PTPRN2: variants seen among roughly 807,000 people sequenced by gnomAD.
PTPRN2 encodes protein tyrosine phosphatase receptor type N2.
In PTPRN2, 74 loss-of-function variants were observed where a neutral mutation model predicts 118.8. The observed-to-expected ratio is 0.62, with a 90% CI of 0.52 to 0.76. PTPRN2 has a LOEUF of 0.76. PTPRN2 is among the 30% of genes least tolerant of loss of function. The probability of loss-of-function intolerance (pLI) is 0.00; values close to 1 mark genes in which losing one functional copy is unlikely to be tolerated. For missense variants in PTPRN2, 1,481 were observed against 1,394.4 expected, an observed-to-expected ratio of 1.06 and a Z score of -0.99; for synonymous variants, 641 against 608.0, an observed-to-expected ratio of 1.05 and a Z score of -0.80.
intron 11 of PTPRN2, among the ~76,000 whole-genome samples, chr7:157,928,773 G>A (rs1369270719): frequency 6.7e-6 from 1 of 150,072 alleles, no homozygotes; most frequent in African/African-American, 2.5e-5. Context: ...GGGAGAGAGA[G>A]CGGGGCAGAT....
At chr7:158,319,505 CCCCCCACACACACAG>C (rs1802681286) in intron 2 of PTPRN2, among the ~76,000 whole-genome samples, 2 of 25,356 alleles carry the variant, frequency 7.9e-5, no homozygotes, top group Admixed American at 6.9e-4. Flanking sequence ...CACACAGCCT[CCCCCCACACACACAG>C]CCTCCCTCAC....
intron 9 of PTPRN2, among the ~76,000 whole-genome samples, chr7:158,111,266 C>A (rs1005561653): frequency 5.9e-5 from 9 of 152,208 alleles, no homozygotes; most frequent in African/African-American, 2.2e-4. Context: ...GAGAAAGCAT[C>A]TGTTTTTAAT....
Position 157,550,249 on chromosome 7 carries a change from G to C in PTPRN2, c.2903-1230C>G, listed in dbSNP as rs1228875252. The stretch of plus-strand genomic sequence containing the variant: ...AACTGTGAAGCCAGTGGGGGCTCAG[G>C]CTCCAGGAGGATCATCCCAGCAGGG... On this transcript the variant is annotated intron_variant, in intron 21 of 22. Transcript: ENST00000389418. The surrounding 1 kb of genome is among the most constrained non-coding windows in gnomAD (Gnocchi z 5.2). 1.3e-5 allele frequency among the ~76,000 whole-genome samples: 2 copies of C among 152,314 alleles called. No homozygotes were observed. The highest frequency in any genetic ancestry group is 4.8e-5 in the African/African-American group (2 of 41,574).
intron 2 of PTPRN2, among the ~76,000 whole-genome samples, chr7:158,420,204 T>G (rs1746964226): frequency 6.6e-6 from 1 of 152,180 alleles, no homozygotes; most frequent in Non-Finnish European, 1.5e-5. Flanking sequence ...GAGCTGGCCT[T>G]ACCCTGAACT....
intron 21 of PTPRN2, among the ~76,000 whole-genome samples, chr7:157,562,180 G>T (rs1799226414): frequency 6.6e-6 from 1 of 152,216 alleles, no homozygotes; most frequent in Non-Finnish European, 1.5e-5. Flanking sequence ...CTCGCCCAGG[G>T]CTCTGGGGAC....
At chr7:157,576,117 A>T (rs1262237824) in intron 19 of PTPRN2, among the ~76,000 whole-genome samples, 3 of 152,184 alleles carry the variant, frequency 2.0e-5, no homozygotes, top group Admixed American at 6.5e-5. Flanking sequence ...ATGAACAAAA[A>T]ACTGAATTTT....
intron 11 of PTPRN2, among the ~76,000 whole-genome samples, chr7:158,010,061 G>A (rs555551716): frequency 9.9e-5 from 15 of 152,156 alleles, no homozygotes; most frequent in Admixed American, 9.2e-4. Flanking sequence ...GCAGGACCCC[G>A]TAGAGCACTT....
At chr7:157,747,802 T>C (rs1383153088) in intron 12 of PTPRN2, among the ~76,000 whole-genome samples, 15 of 78,130 alleles carry the variant, frequency 1.9e-4, no homozygotes, top group African/African-American at 4.2e-4. Flanking sequence ...TGTGGGCTGT[T>C]GAGGTGATTC....
chr7:158,141,583 G>A (rs183406930), intron 6 of PTPRN2, among the ~76,000 whole-genome samples: 31 of 152,268 alleles, frequency 2.0e-4, no homozygotes, highest in African/African-American at 7.2e-4. Context: ...AATTGAAGCT[G>A]GTTCTTCAGG....
At chr7:157,872,428 C>G (rs1326133663) in intron 12 of PTPRN2, among the ~76,000 whole-genome samples, 1 of 150,306 alleles carries the variant, frequency 6.7e-6, no homozygotes, top group Non-Finnish European at 1.5e-5. Context: ...CTTTCCCACA[C>G]ACACATACCC....
chr7:158,210,372 T>G (rs899495599), intron 3 of PTPRN2, among the ~76,000 whole-genome samples: 1 of 151,918 alleles, frequency 6.6e-6, no homozygotes, highest in Non-Finnish European at 1.5e-5. Context: ...CCTGACCTCG[T>G]GATCCGCCCG....
At chr7:157,949,658 C>G (rs528585285) in intron 11 of PTPRN2, among the ~76,000 whole-genome samples, 87 of 152,314 alleles carry the variant, frequency 5.7e-4, no homozygotes, top group Non-Finnish European at 5.6e-4. Flanking sequence ...CTAATACAGG[C>G]CCATATTCCA....
At chr7:158,425,327 G>C (rs113265153) in intron 2 of PTPRN2, among the ~76,000 whole-genome samples, 103,225 of 109,768 alleles carry the variant, frequency 0.94, 48,506 homozygotes, top group African/African-American at 0.96. Context: ...TCCGAGACCA[G>C]CCTAGCTGAG....
At chr7:157,972,729 T>C in intron 11 of PTPRN2, among the ~76,000 whole-genome samples, 1 of 144,880 alleles carries the variant, frequency 6.9e-6, no homozygotes, top group Non-Finnish European at 1.5e-5. Context: ...GAGCAGGGCT[T>C]CAGAGACCAC....
intron 2 of PTPRN2, among the ~76,000 whole-genome samples, chr7:158,363,525 C>T (rs930524906): frequency 1.3e-5 from 2 of 152,234 alleles, no homozygotes; most frequent in African/African-American, 4.8e-5. Flanking sequence ...CTGGTGAGCG[C>T]TTTCCTGACC....
At chr7:158,330,886 A>T (rs7790546) in intron 2 of PTPRN2, among the ~76,000 whole-genome samples, 3 of 63,118 alleles carry the variant, frequency 4.8e-5, no homozygotes, top group African/African-American at 2.0e-4. Context: ...TTCACACCCA[A>T]ACTCTCACCA....
chr7:158,246,843 G>A lies in PTPRN2; in HGVS notation c.278-41570C>T, dbSNP rs372720043. 6.6e-5 allele frequency among the ~76,000 whole-genome samples: 10 copies of A among 152,132 alleles called. No homozygotes were observed. The South Asian group carries it at 2.1e-3, about 32-fold the overall frequency. Reference sequence around the variant, plus strand: ...GCCGGAATCCACTGATGGTGCACGTGACCCACGATGGGAAAAGTCACAAGA... The same window carrying A: ...GCCGGAATCCACTGATGGTGCACGTAACCCACGATGGGAAAAGTCACAAGA... On this transcript the variant is annotated intron_variant, in intron 3 of 22. Coordinates refer to ENST00000389418, the MANE Select transcript of PTPRN2 (RefSeq NM_002847.5).
chr7:158,336,734 C>T (rs1586346932), intron 2 of PTPRN2, among the ~76,000 whole-genome samples: 2 of 117,902 alleles, frequency 1.7e-5, no homozygotes, highest in East Asian at 2.6e-4. Context: ...AGAGCTGACG[C>T]CCGCAGACGT....
rs572502396 is a variant in PTPRN2 at position 157,811,718 on chromosome 7, G to A, written c.1788+86955C>T. On this transcript the variant is annotated intron_variant, in intron 12 of 22. Coordinates refer to ENST00000389418, the MANE Select transcript of PTPRN2 (RefSeq NM_002847.5). ...CTCCCCACAGGCCGGCCCCTGTGCC[G>A]AGACTCCACGCAGTGGCTTCCTCGC... Among the ~76,000 whole-genome samples the A allele has an allele frequency of 7.2e-5, 11 of 152,172 alleles. No individual in the cohort carries two copies. The East Asian group carries it at 9.7e-4, about 13-fold the overall frequency.
Sources: allele counts gnomAD v4.1 joint callset (sites outside exome capture counted in the v4.1 genomes callset), GRCh38; gene constraint gnomAD v4.1.1; non-coding constraint Gnocchi (gnomAD v3.1); transcripts MANE v1.5; gene names NCBI Gene and HGNC (gene_info 2026-07-23, HGNC 2026-07-21).